The following CFAP70 variants were observed in gnomAD, a reference collection of about 807,000 sequenced individuals.
CFAP70 encodes the protein cilia- and flagella-associated protein 70.
CFAP70 carries 81 observed loss-of-function variants against 137.6 expected under a neutral mutation model. The ratio of observed to expected loss-of-function variants is 0.59; its 90% confidence interval spans 0.49 to 0.71. The LOEUF is 0.71. CFAP70 is among the 30% of genes least tolerant of loss of function. CFAP70 has a pLI of 0.00. For missense variants in CFAP70, 976 were observed against 1,226.7 expected, an observed-to-expected ratio of 0.80 and a Z score of 3.05; for synonymous variants, 382 against 423.6, an observed-to-expected ratio of 0.90 and a Z score of 1.20.
At chr10:73,255,516 TGCAC>T in intron 26 of CFAP70, among the ~76,000 whole-genome samples, 1 of 152,208 alleles carries the variant, frequency 6.6e-6, no homozygotes, top group African/African-American at 2.4e-5. Context: ...ATCGTGCTAC[TGCAC>T]TCCAGCCTGG....
At chr10:73,341,698 C>G (rs558240305) in intron 5 of CFAP70, 117 bp from the exon 7 acceptor site, 13 of 845,126 alleles carry the variant, frequency 1.5e-5, no homozygotes, top group African/African-American at 3.4e-5. Context: ...TACCCCTCTA[C>G]GATTAATCTG....
At chr10:73,326,881 G>A (rs1264162295) in intron 8 of CFAP70, among the ~76,000 whole-genome samples, 2 of 151,728 alleles carry the variant, frequency 1.3e-5, no homozygotes, top group East Asian at 3.9e-4. Flanking sequence ...GGACCAGATG[G>A]ATTCACAGCC....
intron 24 of CFAP70, chr10:73,272,724 G>T: frequency 1.5e-6 from 1 of 653,958 alleles, no homozygotes; most frequent in South Asian, 1.6e-5. Flanking sequence ...GGTTTTTCTG[G>T]GATTTTTTAA....
chr10:73,330,476 T>A (rs1261724092), intron 8 of CFAP70, among the ~76,000 whole-genome samples: 3 of 151,320 alleles, frequency 2.0e-5, no homozygotes, highest in Non-Finnish European at 2.9e-5. Flanking sequence ...AAGTCCTATG[T>A]TCATGAGATA....
chr10:73,255,269 G>A (rs1248550547), intron 26 of CFAP70, among the ~76,000 whole-genome samples: 3 of 152,076 alleles, frequency 2.0e-5, no homozygotes, highest in Non-Finnish European at 2.9e-5. Context: ...AGTGGCGGGC[G>A]GCTGTAGTCC....
intron 25 of CFAP70, among the ~76,000 whole-genome samples, chr10:73,261,207 G>A (rs1174975201): frequency 6.6e-6 from 1 of 151,456 alleles, no homozygotes; most frequent in Non-Finnish European, 1.5e-5. Context: ...GCTCACTGCA[G>A]CCTCAACCTT....
chr10:73,355,117 C>T lies in CFAP70; in HGVS notation c.-39-282G>A, dbSNP rs1302506672. On this transcript the variant is annotated intron_variant, in intron 1 of 26. Transcript: ENST00000310715. ...GAACACCTTGACCTCCCATACCCTA[C>T]ATCAGGGGTCCCCACCCCGAACCAT... Among the ~76,000 whole-genome samples the T allele has an allele frequency of 3.9e-5, 6 of 152,198 alleles. No individual in the cohort carries two copies. The East Asian group carries it at 9.6e-4, about 24-fold the overall frequency.
At chr10:73,342,197 C>T (rs6480702) in intron 5 of CFAP70, among the ~76,000 whole-genome samples, 16,068 of 151,996 alleles carry the variant, frequency 0.11, 1,217 homozygotes, top group East Asian at 0.3. Flanking sequence ...AACATTTAAA[C>T]AAAAACATGC....
intron 9 of CFAP70, among the ~76,000 whole-genome samples, chr10:73,316,483 T>TATAG (rs1223101927): frequency 7.2e-5 from 8 of 111,844 alleles, no homozygotes; most frequent in African/African-American, 3.0e-4. Flanking sequence ...TATATATAGA[T>TATAG]ATAGATATAT....
intron 19 of CFAP70, among the ~76,000 whole-genome samples, chr10:73,286,588 G>A (rs534941592): frequency 6.6e-6 from 1 of 152,126 alleles, no homozygotes; most frequent in Non-Finnish European, 1.5e-5. Flanking sequence ...ATAAAAAGGA[G>A]AGAAAATATA....
At chr10:73,263,627 A>G (rs2045488092) in intron 25 of CFAP70, among the ~76,000 whole-genome samples, 1 of 152,220 alleles carries the variant, frequency 6.6e-6, no homozygotes, top group Non-Finnish European at 1.5e-5. Flanking sequence ...TTCTCAGTGC[A>G]CCATATCAGG....
intron 19 of CFAP70, among the ~76,000 whole-genome samples, chr10:73,286,237 G>A (rs942950643): frequency 6.6e-6 from 1 of 152,126 alleles, no homozygotes; most frequent in African/African-American, 2.4e-5. Context: ...GATGTCAGGA[G>A]ATCAAGACCA....
At chr10:73,290,940 T>C (rs1003581206) in intron 19 of CFAP70, among the ~76,000 whole-genome samples, 1 of 152,216 alleles carries the variant, frequency 6.6e-6, no homozygotes, top group African/African-American at 2.4e-5. Flanking sequence ...ACTCAATGTA[T>C]TCATTCATTT....
At chr10:73,342,873 G>A (rs191063760) in intron 5 of CFAP70, among the ~76,000 whole-genome samples, 165 of 151,846 alleles carry the variant, frequency 1.1e-3, no homozygotes, top group Non-Finnish European at 2.0e-3. Context: ...TCAGGAGTTC[G>A]AGACCATCCT....
At chr10:73,289,258 A>G (rs2047976481) in intron 19 of CFAP70, among the ~76,000 whole-genome samples, 1 of 152,122 alleles carries the variant, frequency 6.6e-6, no homozygotes, top group Non-Finnish European at 1.5e-5. Flanking sequence ...CTTTAGAAGC[A>G]TAAATCAATA....
chr10:73,289,308 TG>T (rs2047985477), intron 19 of CFAP70, among the ~76,000 whole-genome samples: 1 of 151,988 alleles, frequency 6.6e-6, no homozygotes, highest in South Asian at 2.1e-4. Flanking sequence ...TTTTTTGAGA[TG>T]GAGTCTCACT....
intron 5 of CFAP70, among the ~76,000 whole-genome samples, 198 bp from the exon 7 acceptor site, chr10:73,341,779 G>T (rs1168724083): frequency 1.3e-5 from 2 of 152,146 alleles, no homozygotes; most frequent in African/African-American, 4.8e-5. Flanking sequence ...ATAGACATTT[G>T]ATAATAATGC....
intron 12 of CFAP70, among the ~76,000 whole-genome samples, chr10:73,306,416 CACAAAG>C (rs936903931): frequency 6.6e-6 from 1 of 152,102 alleles, no homozygotes; most frequent in Non-Finnish European, 1.5e-5. Context: ...ATTGTCAAAA[CACAAAG>C]ACAAAGAAAA....
chr10:73,259,200 A>T (rs1449580516), intron 25 of CFAP70, among the ~76,000 whole-genome samples: 1 of 151,822 alleles, frequency 6.6e-6, no homozygotes, highest in Non-Finnish European at 1.5e-5. Context: ...CTTTCCCTTT[A>T]TTTCTCAGAC....
Sources: allele counts gnomAD v4.1 joint callset (sites outside exome capture counted in the v4.1 genomes callset), GRCh38; gene constraint gnomAD v4.1.1; transcripts MANE v1.5; gene names NCBI Gene and HGNC (gene_info 2026-07-23, HGNC 2026-07-21).